The following ADGRL2 variants were observed in gnomAD, a reference collection of about 807,000 sequenced individuals.
The protein encoded by ADGRL2 is adhesion G protein-coupled receptor L2, also known as calcium-independent alpha-latrotoxin receptor 2.
In ADGRL2, 44 loss-of-function variants were observed where a neutral mutation model predicts 157.4. That is an observed-to-expected ratio of 0.28 (90% CI 0.22 to 0.36). ADGRL2 has a LOEUF of 0.36. Among genes scored for constraint, ADGRL2 ranks in the 10% least tolerant of loss-of-function variants. The probability of loss-of-function intolerance (pLI) is 1.00; values close to 1 mark genes in which losing one functional copy is unlikely to be tolerated. For synonymous variants in ADGRL2, 585 were observed against 624.7 expected (o/e 0.94, Z 0.95); for missense variants, 1,510 against 1,768.9 (o/e 0.85, Z 2.63).
chr1:81,989,808 T>G, intron 23 of ADGRL2: 1 of 1,505,570 alleles, frequency 6.6e-7, no homozygotes, highest in South Asian at 1.4e-5. Context: ...TTAACATGAC[T>G]TCTTTGTATC....
At chr1:81,782,469 C>A (rs763054826) in intron 2 of ADGRL2, among the ~76,000 whole-genome samples, 28 of 152,266 alleles carry the variant, frequency 1.8e-4, no homozygotes, top group Admixed American at 5.9e-4. Context: ...TAAACTATTT[C>A]CTGCATTAGA....
At chr1:81,443,732 G>A (rs1333656887) in intron 1 of ADGRL2, among the ~76,000 whole-genome samples, 1 of 152,198 alleles carries the variant, frequency 6.6e-6, no homozygotes, top group Admixed American at 6.5e-5. Flanking sequence ...TGTAACTGCT[G>A]CATCTCACCA....
At chr1:81,817,449 C>T (rs1045000438) in intron 1 of ADGRL2, among the ~76,000 whole-genome samples, 1 of 151,890 alleles carries the variant, frequency 6.6e-6, no homozygotes, top group Non-Finnish European at 1.5e-5. Flanking sequence ...AAAAGTGCAG[C>T]TTTTTGTTAG....
chr1:81,327,941 A>G (rs1661009338), intron 1 of ADGRL2, among the ~76,000 whole-genome samples: 1 of 152,158 alleles, frequency 6.6e-6, no homozygotes. Context: ...TAACCCACAG[A>G]AGTCATTTGA....
chr1:81,383,773 G>A (rs1372808850), intron 1 of ADGRL2, among the ~76,000 whole-genome samples: 1 of 138,986 alleles, frequency 7.2e-6, no homozygotes, highest in Non-Finnish European at 1.5e-5. Flanking sequence ...GACCATCCTG[G>A]CTAACACGGT....
At chr1:81,637,569 T>G (rs1252010103) in intron 3 of ADGRL2, among the ~76,000 whole-genome samples, 2 of 151,970 alleles carry the variant, frequency 1.3e-5, no homozygotes, top group Non-Finnish European at 2.9e-5. Flanking sequence ...TCAAAGGGGG[T>G]GGGGAATAAA....
intron 1 of ADGRL2, among the ~76,000 whole-genome samples, chr1:81,405,690 C>G (rs1479102649): frequency 6.6e-6 from 1 of 150,502 alleles, no homozygotes; most frequent in African/African-American, 2.4e-5. Flanking sequence ...AACAAAATAT[C>G]TCACATTTTC....
At chr1:81,388,738 A>G (rs146309546) in intron 1 of ADGRL2, among the ~76,000 whole-genome samples, 62 of 152,278 alleles carry the variant, frequency 4.1e-4, no homozygotes, top group Non-Finnish European at 8.2e-4. Context: ...TCCCAGACCT[A>G]TCCCTGTGAG....
intron 2 of ADGRL2, among the ~76,000 whole-genome samples, chr1:81,879,387 A>G (rs1013315322): frequency 1.3e-5 from 2 of 152,156 alleles, no homozygotes; most frequent in Admixed American, 6.5e-5. Flanking sequence ...ATTGCTGTGT[A>G]TCTTTGGGCA....
At position 81,824,482 on chromosome 1, in the gene ADGRL2, C is replaced by T. The variant is rs186637497; in HGVS notation, c.-100-12403C>T. 3.3e-5 allele frequency among the ~76,000 whole-genome samples: 5 copies of T among 151,914 alleles called. No individual in the cohort carries two copies. In the East Asian group the frequency reaches 9.8e-4, roughly 30 times the overall value. ...GTAGAGATGGAGTCTCTTAATTTGCCTAGACTGAACTTGAACTCCTGGGCT... is the reference window on the plus strand; with the variant it reads ...GTAGAGATGGAGTCTCTTAATTTGCTTAGACTGAACTTGAACTCCTGGGCT... On this transcript the variant is annotated intron_variant, in intron 1 of 23. Transcript: ENST00000686636.
In ADGRL2 at chr1:81,897,081, T is replaced by G. The variant is rs2094403539; in HGVS notation, c.74-9936T>G. Among the ~76,000 whole-genome samples, 3 of 152,154 alleles carry G rather than the reference T, an allele frequency of 2.0e-5. 1 individual carries two copies. In the South Asian group the frequency reaches 6.2e-4, roughly 32 times the overall value. ...TGCTAGGCACATAGTAGTTACTCAGTAGATGTTAATTGGAGGAAACAAAAC... is the reference window on the plus strand; with the variant it reads ...TGCTAGGCACATAGTAGTTACTCAGGAGATGTTAATTGGAGGAAACAAAAC... On this transcript the variant is annotated intron_variant, in intron 2 of 23. Coordinates refer to ENST00000686636, the MANE Select transcript of ADGRL2 (RefSeq NM_001366006.2).
chr1:81,837,338 T>C (rs1456719997), intron 2 of ADGRL2, among the ~76,000 whole-genome samples: 1 of 152,000 alleles, frequency 6.6e-6, no homozygotes, highest in Non-Finnish European at 1.5e-5. Context: ...TGTTTTGGTA[T>C]ACATTTTACA....
intron 3 of ADGRL2, among the ~76,000 whole-genome samples, chr1:81,602,656 T>C (rs776096399): frequency 6.1e-4 from 93 of 151,892 alleles, no homozygotes; most frequent in Admixed American, 1.5e-3. Context: ...CCCAGCACTT[T>C]GGTAGGCCAA....
chr1:81,351,292 G>A (rs997173936), intron 1 of ADGRL2, among the ~76,000 whole-genome samples: 3 of 151,358 alleles, frequency 2.0e-5, no homozygotes, highest in African/African-American at 7.3e-5. Flanking sequence ...TAAAACTGCT[G>A]GTAACTTCTA....
chr1:81,520,199 C>T (rs886180580), intron 2 of ADGRL2, among the ~76,000 whole-genome samples: 2 of 152,078 alleles, frequency 1.3e-5, no homozygotes, highest in African/African-American at 4.8e-5. Flanking sequence ...CCTGGTATTG[C>T]CTGCTGCCTT....
chr1:81,799,507 A>G (rs2087771499), upstream of ADGRL2, among the ~76,000 whole-genome samples: 1 of 152,232 alleles, frequency 6.6e-6, no homozygotes, highest in African/African-American at 2.4e-5. Flanking sequence ...CTACAAGTCA[A>G]GAACAAACTT....
At chr1:81,789,152 A>C (rs942431054) in intron 2 of ADGRL2, among the ~76,000 whole-genome samples, 5 of 152,216 alleles carry the variant, frequency 3.3e-5, no homozygotes, top group African/African-American at 4.8e-5. Context: ...GCTAGATTTT[A>C]TACAGGCCAC....
chr1:81,825,791 G>C (rs551200379), intron 1 of ADGRL2, among the ~76,000 whole-genome samples: 7 of 151,160 alleles, frequency 4.6e-5, no homozygotes, highest in African/African-American at 1.7e-4. Flanking sequence ...CCCCAACTGT[G>C]TTCTTCCATG....
At chr1:81,571,439 A>G (rs1336154638) in intron 2 of ADGRL2, among the ~76,000 whole-genome samples, 1 of 148,598 alleles carries the variant, frequency 6.7e-6, no homozygotes, top group Non-Finnish European at 1.5e-5. Context: ...GTGTGTGTAT[A>G]TATATACACA....
Sources: gnomAD v4.1 joint callset for allele counts (sites outside exome capture counted in the v4.1 genomes callset) on GRCh38, gnomAD v4.1.1 for gene constraint, MANE v1.5 for transcripts, NCBI Gene and HGNC (gene_info 2026-07-23, HGNC 2026-07-21) for gene names.